The following GABBR2 variants were observed in gnomAD, a reference collection of about 807,000 sequenced individuals.
GABBR2 encodes the protein gamma-aminobutyric acid type B receptor subunit 2, also known as G-protein coupled receptor 51.
GABBR2 carries 23 observed loss-of-function variants against 105.6 expected under a neutral mutation model. The observed-to-expected ratio is 0.22, with a 90% confidence interval of 0.16 to 0.31. The LOEUF is 0.31. Among genes scored for constraint, GABBR2 ranks in the 10% least tolerant of loss-of-function variants. GABBR2 has a pLI of 1.00. For synonymous variants in GABBR2, 478 were observed against 499.7 expected (o/e 0.96, Z 0.58); for missense variants, 734 against 1,245.5 (o/e 0.59, Z 6.18).
chr9:98,376,086 A>G (rs1450668717), intron 11 of GABBR2, among the ~76,000 whole-genome samples: 1 of 152,226 alleles, frequency 6.6e-6, no homozygotes, highest in Non-Finnish European at 1.5e-5. Context: ...CCATGGGGGA[A>G]GACAAACTTT....
At chr9:98,496,357 G>T in intron 4 of GABBR2, 56 bp downstream of exon 4, 1 of 1,098,158 alleles carries the variant, frequency 9.1e-7, no homozygotes. Context: ...AGGTAATTTG[G>T]GCACCCAGGG....
intron 2 of GABBR2, among the ~76,000 whole-genome samples, chr9:98,550,406 C>T (rs916194507): frequency 6.6e-6 from 1 of 152,074 alleles, no homozygotes; most frequent in Non-Finnish European, 1.5e-5. Context: ...GTTAAAATGG[C>T]GAATTTTATC....
intron 1 of GABBR2, among the ~76,000 whole-genome samples, chr9:98,595,277 T>C (rs1415444366): frequency 6.6e-6 from 1 of 151,956 alleles, no homozygotes; most frequent in Non-Finnish European, 1.5e-5. Context: ...AATCCATTCA[T>C]GAGGGCTCCA....
intron 1 of GABBR2, among the ~76,000 whole-genome samples, chr9:98,652,727 A>G (rs1830126655): frequency 1.3e-5 from 2 of 152,186 alleles, no homozygotes; most frequent in Non-Finnish European, 2.9e-5. Context: ...ATTTGGAGGC[A>G]ATGGGTCTTT....
chr9:98,375,748 C>T (rs976071609), intron 11 of GABBR2, among the ~76,000 whole-genome samples: 2 of 152,198 alleles, frequency 1.3e-5, no homozygotes, highest in Admixed American at 6.5e-5. Context: ...AAGACTCCCC[C>T]CCTTCTCCCC....
chr9:98,447,647 G>A (rs1826160036), intron 7 of GABBR2, among the ~76,000 whole-genome samples: 1 of 151,916 alleles, frequency 6.6e-6, no homozygotes, highest in Non-Finnish European at 1.5e-5. Flanking sequence ...CAACAGTGGG[G>A]ATGAAATAAA....
chr9:98,331,965 C>T (rs921582022), intron 13 of GABBR2, among the ~76,000 whole-genome samples: 8 of 152,214 alleles, frequency 5.3e-5, no homozygotes, highest in African/African-American at 1.9e-4. Flanking sequence ...TGATCACAGA[C>T]AGGTGCTGGA....
intron 1 of GABBR2, among the ~76,000 whole-genome samples, chr9:98,689,820 G>A (rs1830663528): frequency 6.6e-6 from 1 of 152,142 alleles, no homozygotes. Flanking sequence ...AACCACACAA[G>A]AAACTCTTTT....
intron 1 of GABBR2, chr9:98,707,552 G>T (rs1467525598): frequency 1.3e-5 from 2 of 152,650 alleles, no homozygotes; most frequent in Non-Finnish European, 2.9e-5. Flanking sequence ...AGGGCGTGGG[G>T]AGGGGTCTTG....
At chr9:98,401,140 C>T (rs993394388) in intron 8 of GABBR2, among the ~76,000 whole-genome samples, 5 of 152,122 alleles carry the variant, frequency 3.3e-5, no homozygotes, top group Non-Finnish European at 5.9e-5. Flanking sequence ...AACATCACAG[C>T]CTCACATCAT....
At chr9:98,537,782 G>A (rs569114343) in intron 3 of GABBR2, among the ~76,000 whole-genome samples, 279 of 152,184 alleles carry the variant, frequency 1.8e-3, no homozygotes, top group Middle Eastern at 3.4e-3. Flanking sequence ...CATTAACAAC[G>A]GATGAACTGT....
At chr9:98,427,558 C>T (rs1047984960) in intron 7 of GABBR2, among the ~76,000 whole-genome samples, 10 of 152,326 alleles carry the variant, frequency 6.6e-5, no homozygotes, top group African/African-American at 1.7e-4. Flanking sequence ...TGCCTCCTGG[C>T]GGTCACTACC....
At chr9:98,655,117 C>T (rs1241936358) in intron 1 of GABBR2, among the ~76,000 whole-genome samples, 1 of 152,066 alleles carries the variant, frequency 6.6e-6, no homozygotes, top group African/African-American at 2.4e-5. Flanking sequence ...ACTTTTAGGG[C>T]CGTGAAGCTA....
In GABBR2 at chr9:98,435,578, G is replaced by T. The variant is rs184100169; in HGVS notation, c.1236+18403C>A. Among the ~76,000 whole-genome samples the T allele has an allele frequency of 2.8e-3, 430 of 152,260 alleles. 4 individuals carry two copies. Among genetic ancestry groups the T allele is most frequent in the Non-Finnish European group, 3.4e-3 (234 of 68,002 alleles). On this transcript the variant is annotated intron_variant, in intron 7 of 18. Coordinates refer to ENST00000259455, the MANE Select transcript of GABBR2 (RefSeq NM_005458.8). ...GGAGCTTCTTAAAAACAGCAGTCAG[G>T]TTGCTCCCTTGCTAGACACTTTTCC...
At chr9:98,405,880 G>A (rs189401665) in intron 8 of GABBR2, among the ~76,000 whole-genome samples, 4 of 152,004 alleles carry the variant, frequency 2.6e-5, no homozygotes, top group Admixed American at 2.6e-4. Context: ...TGGAGATGGA[G>A]GGCTGATCAT....
intron 2 of GABBR2, among the ~76,000 whole-genome samples, chr9:98,566,901 G>A (rs552563878): frequency 1.3e-5 from 2 of 151,840 alleles, no homozygotes; most frequent in Non-Finnish European, 1.5e-5. Context: ...CCAGCACTGT[G>A]TGACACATTT....
chr9:98,620,958 C>T (rs537723986), intron 1 of GABBR2, among the ~76,000 whole-genome samples: 2 of 152,230 alleles, frequency 1.3e-5, no homozygotes, highest in African/African-American at 4.8e-5. Flanking sequence ...GAGAATTAAA[C>T]ATGTGAAACA....
At chr9:98,579,606 C>T (rs1424693575) in intron 1 of GABBR2, among the ~76,000 whole-genome samples, 1 of 152,184 alleles carries the variant, frequency 6.6e-6, no homozygotes, top group Non-Finnish European at 1.5e-5. Flanking sequence ...CACAATATAA[C>T]TCTCAAAAGG....
At chr9:98,408,435 T>G (rs1335049407) in intron 7 of GABBR2, among the ~76,000 whole-genome samples, 1 of 152,164 alleles carries the variant, frequency 6.6e-6, no homozygotes, top group Non-Finnish European at 1.5e-5. Context: ...GTTTGACTGG[T>G]GAAGCCATCC....
Sources: gnomAD v4.1 joint callset for allele counts (sites outside exome capture counted in the v4.1 genomes callset) on GRCh38, gnomAD v4.1.1 for gene constraint, MANE v1.5 for transcripts, NCBI Gene and HGNC (gene_info 2026-07-23, HGNC 2026-07-21) for gene names.